The following CARMIL1 variants were observed in gnomAD, a reference collection of about 807,000 sequenced individuals.
CARMIL1 encodes F-actin-uncapping protein LRRC16A.
In CARMIL1, 90 loss-of-function variants were observed where a neutral mutation model predicts 177.1. That is an observed-to-expected ratio of 0.51 (90% CI 0.43 to 0.61). CARMIL1 has a LOEUF of 0.61. CARMIL1 is among the 20% of genes least tolerant of loss of function. The pLI is 0.00. For synonymous variants in CARMIL1, 577 were observed against 606.2 expected (o/e 0.95, Z 0.71); for missense variants, 1,380 against 1,667.0 (o/e 0.83, Z 3.00).
intron 32 of CARMIL1, among the ~76,000 whole-genome samples, chr6:25,594,748 G>T (rs537155858): frequency 6.6e-6 from 1 of 152,244 alleles, no homozygotes; most frequent in South Asian, 2.1e-4. Context: ...TGAATCAAAA[G>T]CTCTGGAGGT....
At chr6:25,553,906 A>G in intron 27 of CARMIL1, 103 bp from the exon 28 acceptor site, 1 of 728,446 alleles carries the variant, frequency 1.4e-6, no homozygotes, top group East Asian at 2.7e-5. Flanking sequence ...TCAAAGACAG[A>G]AATGGAATCA....
At chr6:25,571,508 A>G (rs2151219716) in intron 29 of CARMIL1, among the ~76,000 whole-genome samples, 1 of 152,336 alleles carries the variant, frequency 6.6e-6, no homozygotes, top group African/African-American at 2.4e-5. Context: ...GATTACCAAT[A>G]GTTGCTTAAA....
At chr6:25,301,356 T>C (rs1782846042) in intron 2 of CARMIL1, among the ~76,000 whole-genome samples, 1 of 152,204 alleles carries the variant, frequency 6.6e-6, no homozygotes, top group Non-Finnish European at 1.5e-5. Flanking sequence ...ATGGCTGCTT[T>C]GGAAAGGGTG....
At chr6:25,438,802 C>T (rs1171840558) in intron 5 of CARMIL1, among the ~76,000 whole-genome samples, 1 of 151,314 alleles carries the variant, frequency 6.6e-6, no homozygotes, top group African/African-American at 2.4e-5. Flanking sequence ...TGGGAAGCCA[C>T]TGTAACATTT....
chr6:25,305,689 G>A (rs1783205099), intron 2 of CARMIL1, among the ~76,000 whole-genome samples: 1 of 152,126 alleles, frequency 6.6e-6, no homozygotes, highest in Non-Finnish European at 1.5e-5. Flanking sequence ...GAAGTTTTTT[G>A]TAAGTGGTCC....
Position 25,338,507 on chromosome 6 carries a change from C to T in CARMIL1, c.138+53598C>T, listed in dbSNP as rs1211095617. ...GCATGCAGATTATACCACAGATTGTCCTAGTAGTTCTTTTATATGTTTTAC... is the reference window on the plus strand; with the variant it reads ...GCATGCAGATTATACCACAGATTGTTCTAGTAGTTCTTTTATATGTTTTAC... On this transcript the variant is annotated intron_variant, in intron 2 of 36. Coordinates refer to ENST00000329474, the MANE Select transcript of CARMIL1 (RefSeq NM_017640.6). 2.6e-5 allele frequency among the ~76,000 whole-genome samples: 4 copies of T among 151,002 alleles called. No individual in the cohort carries two copies. In the East Asian group the frequency reaches 7.8e-4, roughly 29 times the overall value.
At chr6:25,490,901 G>T (rs533653375) in intron 13 of CARMIL1, among the ~76,000 whole-genome samples, 1 of 152,160 alleles carries the variant, frequency 6.6e-6, no homozygotes, top group African/African-American at 2.4e-5. Flanking sequence ...TTGCAAGGAC[G>T]TACTCAGTAT....
intron 13 of CARMIL1, among the ~76,000 whole-genome samples, chr6:25,488,787 AT>A (rs922092302): frequency 1.1e-4 from 17 of 151,204 alleles, no homozygotes; most frequent in South Asian, 2.1e-4. Flanking sequence ...CACCACAATT[AT>A]TTTTTTTTCT....
At chr6:25,501,054 G>A (rs1474779597) in intron 17 of CARMIL1, among the ~76,000 whole-genome samples, 2 of 152,006 alleles carry the variant, frequency 1.3e-5, no homozygotes, top group South Asian at 2.1e-4. Flanking sequence ...GAGCCACTGC[G>A]CCCAGCCTAA....
At chr6:25,464,268 TG>T (rs1800401726) in intron 8 of CARMIL1, among the ~76,000 whole-genome samples, 1 of 152,090 alleles carries the variant, frequency 6.6e-6, no homozygotes, top group Non-Finnish European at 1.5e-5. Context: ...CTACTATCTG[TG>T]GGCACTCATC....
chr6:25,615,844 G>GA (rs150117550), intron 36 of CARMIL1, among the ~76,000 whole-genome samples: 10,222 of 152,260 alleles, frequency 0.067, 414 homozygotes, highest in South Asian at 0.12. Flanking sequence ...TTACAATGGA[G>GA]AAAATACCAA....
intron 9 of CARMIL1, among the ~76,000 whole-genome samples, chr6:25,470,415 A>C (rs964675856): frequency 6.6e-6 from 1 of 152,232 alleles, no homozygotes; most frequent in African/African-American, 2.4e-5. Flanking sequence ...TATCATAATC[A>C]CTAACACTTA....
rs563889146 is a variant in CARMIL1, at chr6:25,386,131, A to G, written c.139-33983A>G. 5.9e-5 allele frequency among the ~76,000 whole-genome samples: 9 copies of G among 152,362 alleles called. No homozygotes were observed. The East Asian group carries it at 1.2e-3, about 20-fold the overall frequency. On this transcript the variant is annotated intron_variant, in intron 2 of 36. Transcript: ENST00000329474. ...CTGTGGGCAAATAGCCCAAGAATTA[A>G]TACATTTAATAATACATTTAATTAT...
chr6:25,281,558 A>G (rs1421411303), intron 1 of CARMIL1, among the ~76,000 whole-genome samples: 2 of 152,140 alleles, frequency 1.3e-5, no homozygotes, highest in Non-Finnish European at 2.9e-5. Flanking sequence ...TTAAAAGTTG[A>G]GTTTGACCTT....
At chr6:25,487,206 C>T (rs905973283) in intron 12 of CARMIL1, among the ~76,000 whole-genome samples, 1 of 152,108 alleles carries the variant, frequency 6.6e-6, no homozygotes, top group Non-Finnish European at 1.5e-5. Flanking sequence ...CCATACTGAA[C>T]GTTCTAAGCT....
At chr6:25,491,925 A>C in intron 14 of CARMIL1, 23 bp from the exon 15 acceptor site, 1 of 1,608,186 alleles carries the variant, frequency 6.2e-7, no homozygotes, top group Non-Finnish European at 8.5e-7. Flanking sequence ...CTTGAAAAGA[A>C]GAGTGCCTTA....
At chr6:25,334,456 A>G (rs1786011071) in intron 2 of CARMIL1, among the ~76,000 whole-genome samples, 1 of 152,172 alleles carries the variant, frequency 6.6e-6, no homozygotes. Flanking sequence ...CCAACTGCTA[A>G]CCATTAACAT....
intron 20 of CARMIL1, among the ~76,000 whole-genome samples, chr6:25,511,120 A>G (rs938806001): frequency 1.3e-5 from 2 of 152,172 alleles, no homozygotes; most frequent in Non-Finnish European, 2.9e-5. Flanking sequence ...ATGACCTTAT[A>G]TAATGCTGAG....
chr6:25,283,124 G>T (rs189246062), intron 1 of CARMIL1, among the ~76,000 whole-genome samples: 148 of 152,294 alleles, frequency 9.7e-4, no homozygotes, highest in African/African-American at 3.5e-3. Context: ...AATCCTAGGG[G>T]TGTAAAAGAT....
Sources: gnomAD v4.1 joint callset for allele counts (sites outside exome capture counted in the v4.1 genomes callset) on GRCh38, gnomAD v4.1.1 for gene constraint, MANE v1.5 for transcripts, NCBI Gene and HGNC (gene_info 2026-07-23, HGNC 2026-07-21) for gene names.